PDZRN4: variants seen among roughly 807,000 people sequenced by gnomAD.
The protein encoded by PDZRN4 is PDZ domain-containing RING finger protein 4.
In PDZRN4, 70 loss-of-function variants were observed where a neutral mutation model predicts 99.0. The observed-to-expected ratio is 0.71, with a 90% confidence interval of 0.58 to 0.86. PDZRN4 has a LOEUF of 0.86. PDZRN4 is among the 40% of genes least tolerant of loss of function. The pLI, the probability that PDZRN4 is intolerant of heterozygous loss-of-function variation, is 0.00. For synonymous variants in PDZRN4, 551 were observed against 501.6 expected (o/e 1.10, Z -1.32); for missense variants, 1,474 against 1,331.2 (o/e 1.11, Z -1.67).
At position 41,444,645 on chromosome 12, in the gene PDZRN4, A is replaced by G. The variant is rs929521236; in HGVS notation, c.844-61811A>G. 4.6e-5 allele frequency among the ~76,000 whole-genome samples: 7 copies of G among 152,190 alleles called. No individual in the cohort carries two copies. The South Asian group carries it at 1.4e-3, about 31-fold the overall frequency. On this transcript the variant is annotated intron_variant, in intron 3 of 9. Transcript: ENST00000402685. Reference sequence around the variant, plus strand: ...AACTTTCAAAAACTTTAGATATGACAGATTGTCAAAAATGAAGTTACTGCT... The same window carrying G: ...AACTTTCAAAAACTTTAGATATGACGGATTGTCAAAAATGAAGTTACTGCT...
chr12:41,252,090 C>G (rs1023842691), intron 3 of PDZRN4, among the ~76,000 whole-genome samples: 1 of 150,894 alleles, frequency 6.6e-6, no homozygotes, highest in Non-Finnish European at 1.5e-5. Context: ...CACTCCAGAT[C>G]GGGTGAAAAA....
At chr12:41,195,082 G>T (rs997676713) in intron 3 of PDZRN4, among the ~76,000 whole-genome samples, 2 of 152,050 alleles carry the variant, frequency 1.3e-5, no homozygotes, top group Non-Finnish European at 2.9e-5. Flanking sequence ...TGTTGTATTC[G>T]GGGGTGATAA....
intron 3 of PDZRN4, among the ~76,000 whole-genome samples, chr12:41,218,315 A>G (rs776814838): frequency 1.6e-4 from 25 of 152,012 alleles, no homozygotes; most frequent in African/African-American, 2.7e-4. Context: ...GACAGGGCAC[A>G]TGAGAGAGGT....
intron 7 of PDZRN4, among the ~76,000 whole-genome samples, chr12:41,557,007 C>A (rs1939177451): frequency 6.6e-6 from 1 of 151,954 alleles, no homozygotes; most frequent in African/African-American, 2.4e-5. Flanking sequence ...AAAAACTAGC[C>A]AGGCATGGTG....
intron 3 of PDZRN4, among the ~76,000 whole-genome samples, chr12:41,247,894 G>T (rs1163289521): frequency 1.3e-5 from 2 of 152,104 alleles, no homozygotes; most frequent in Non-Finnish European, 2.9e-5. Context: ...ATATACTTGG[G>T]ACATGCATAC....
intron 5 of PDZRN4, among the ~76,000 whole-genome samples, chr12:41,534,310 G>A (rs957721941): frequency 6.6e-6 from 1 of 151,508 alleles, no homozygotes; most frequent in African/African-American, 2.4e-5. Flanking sequence ...TAAGTTCCGG[G>A]GTACAAGTGC....
chr12:41,303,248 T>C (rs1367987068), intron 3 of PDZRN4, among the ~76,000 whole-genome samples: 1 of 152,154 alleles, frequency 6.6e-6, no homozygotes, highest in Non-Finnish European at 1.5e-5. Context: ...AGTCAGACCA[T>C]GCCCTCGGCA....
intron 3 of PDZRN4, among the ~76,000 whole-genome samples, chr12:41,396,765 T>C (rs1351381396): frequency 6.6e-6 from 1 of 152,200 alleles, no homozygotes; most frequent in Non-Finnish European, 1.5e-5. Flanking sequence ...ATTCTTTAAC[T>C]AGAAGATCTA....
chr12:41,221,736 G>A (rs1950957438), intron 3 of PDZRN4, among the ~76,000 whole-genome samples: 1 of 151,998 alleles, frequency 6.6e-6, no homozygotes, highest in Non-Finnish European at 1.5e-5. Context: ...GGGTGTGTGT[G>A]GCCTTCCTTT....
At chr12:41,264,263 G>C (rs776308757) in intron 3 of PDZRN4, among the ~76,000 whole-genome samples, 11 of 152,108 alleles carry the variant, frequency 7.2e-5, no homozygotes, top group Non-Finnish European at 1.5e-4. Context: ...CTTTATGAAA[G>C]TAAACTTCAA....
intron 3 of PDZRN4, among the ~76,000 whole-genome samples, chr12:41,360,754 A>G (rs1951958096): frequency 6.6e-6 from 1 of 152,030 alleles, no homozygotes; most frequent in African/African-American, 2.4e-5. Flanking sequence ...CCTTTTATAT[A>G]TTATAGACCA....
At chr12:41,277,327 A>T (rs1406770799) in intron 3 of PDZRN4, among the ~76,000 whole-genome samples, 2 of 152,162 alleles carry the variant, frequency 1.3e-5, no homozygotes, top group African/African-American at 4.8e-5. Flanking sequence ...TATAGGGCCA[A>T]CGATATAAAA....
chr12:41,403,544 T>G (rs1952320362), intron 3 of PDZRN4, among the ~76,000 whole-genome samples: 1 of 152,160 alleles, frequency 6.6e-6, no homozygotes, highest in African/African-American at 2.4e-5. Context: ...TTACAGAATA[T>G]TCTCTTTATA....
chr12:41,459,939 C>T (rs926514812), intron 3 of PDZRN4: 3 of 1,265,668 alleles, frequency 2.4e-6, no homozygotes, highest in Non-Finnish European at 3.1e-6. Flanking sequence ...GAAAAAATGA[C>T]CTTTGTTTCA....
chr12:41,414,389 G>T (rs1445238382), intron 3 of PDZRN4, among the ~76,000 whole-genome samples: 1 of 151,888 alleles, frequency 6.6e-6, no homozygotes, highest in African/African-American at 2.4e-5. Context: ...TTCTTGAATT[G>T]GTTCCTCAAA....
At chr12:41,473,100 T>TTG (rs1176784123) in intron 3 of PDZRN4, among the ~76,000 whole-genome samples, 2 of 152,078 alleles carry the variant, frequency 1.3e-5, no homozygotes, top group African/African-American at 4.8e-5. Flanking sequence ...CAGTTTTGTT[T>TTG]TATTTTTTAA....
chr12:41,449,342 C>T (rs923197448), intron 3 of PDZRN4, among the ~76,000 whole-genome samples: 7 of 152,102 alleles, frequency 4.6e-5, no homozygotes, highest in Admixed American at 2.0e-4. Context: ...CACTGATCTC[C>T]GAATCTCTGG....
intron 3 of PDZRN4, among the ~76,000 whole-genome samples, chr12:41,224,399 C>T (rs945441038): frequency 1.3e-5 from 2 of 152,122 alleles, no homozygotes; most frequent in East Asian, 3.9e-4. Context: ...TTGTTGCAGT[C>T]TTGTACATTT....
chr12:41,226,405 G>T (rs948182412), intron 3 of PDZRN4, among the ~76,000 whole-genome samples: 1 of 152,058 alleles, frequency 6.6e-6, no homozygotes, highest in East Asian at 1.9e-4. Context: ...TGAGGTCATG[G>T]ATTTTGGGGT....
Sources: gnomAD v4.1 joint callset for allele counts (sites outside exome capture counted in the v4.1 genomes callset) on GRCh38, gnomAD v4.1.1 for gene constraint, MANE v1.5 for transcripts, NCBI Gene and HGNC (gene_info 2026-07-23, HGNC 2026-07-21) for gene names.